The following CASP10 variants were observed in gnomAD, a reference collection of about 807,000 sequenced individuals.
CASP10 encodes caspase 10, also known as caspase-10.
CASP10 carries 41 observed loss-of-function variants against 48.5 expected under a neutral mutation model. That is an observed-to-expected ratio of 0.85 (90% CI 0.66 to 1.10). The LOEUF is 1.10. CASP10 is among the 50% of genes least tolerant of loss of function. CASP10 has a pLI of 0.00. For missense variants in CASP10, 614 were observed against 614.5 expected (o/e 1.00, Z 0.01); for synonymous variants, 232 against 238.4 (o/e 0.97, Z 0.25).
intron 6 of CASP10, among the ~76,000 whole-genome samples, chr2:201,205,401 A>AC (rs979477062): frequency 6.9e-6 from 1 of 145,528 alleles, no homozygotes; most frequent in African/African-American, 2.5e-5. Context: ...AATTTTTTGT[A>AC]TTTTTTTTTT....
At chr2:201,211,184 C>T (rs1386834814) in intron 9 of CASP10, among the ~76,000 whole-genome samples, 2 of 152,122 alleles carry the variant, frequency 1.3e-5, no homozygotes, top group Non-Finnish European at 2.9e-5. Flanking sequence ...ACCATGTTGC[C>T]GAGGCTGGCC....
chr2:201,216,260 T>C (rs1945565800), intron 9 of CASP10, among the ~76,000 whole-genome samples: 1 of 151,716 alleles, frequency 6.6e-6, no homozygotes, highest in Non-Finnish European at 1.5e-5. Context: ...TCCTAGCTAT[T>C]AGGGAGTCTG....
In CASP10 at chr2:201,205,925, G is replaced by T; in HGVS notation, c.765G>T (p.Gly255=). ...TNGAPSLVSR[G]MQGASANTLN... The stretch of plus-strand genomic sequence containing the variant: ...GTGCACCAAGCCTGGTCTCCAGGGG[G>T]ATGCAAGGAGCATCTGCTAACACTC... The change falls in exon 7 of 10, where the codon GGG becomes GGT. Residue 255 remains glycine, a synonymous_variant. Coordinates refer to ENST00000286186, the MANE Select transcript of CASP10 (RefSeq NM_032977.4). The T allele has an allele frequency of 6.2e-7, 1 of 1,613,500 alleles. No homozygotes were observed. Among genetic ancestry groups the T allele is most frequent in the East Asian group, 2.2e-5 (1 of 44,866 alleles).
chr2:201,208,756 G>A (rs1489352593), intron 8 of CASP10, among the ~76,000 whole-genome samples: 1 of 152,000 alleles, frequency 6.6e-6, no homozygotes, highest in East Asian at 1.9e-4. Context: ...CCAGCTCACT[G>A]CAACCTCTGC....
Position 201,218,796 on chromosome 2 carries a change from C to T in CASP10, c.*1055C>T, listed in dbSNP as rs1252396894. ...TGATCTCCCCCTTCCTAAGACTTCTCTTTTGCACATCTAGTGAGGTGAAAA... is the reference window on the plus strand; with the variant it reads ...TGATCTCCCCCTTCCTAAGACTTCTTTTTTGCACATCTAGTGAGGTGAAAA... On this transcript the variant is annotated 3_prime_UTR_variant, in exon 10 of 10. Coordinates refer to ENST00000286186, the MANE Select transcript of CASP10 (RefSeq NM_032977.4). The T allele has an allele frequency of 2.8e-5, 28 of 985,378 alleles. No homozygotes were observed. Among genetic ancestry groups the T allele is most frequent in the Non-Finnish European group, 3.4e-5 (28 of 829,988 alleles). 61.0% of individuals were successfully genotyped at this position (985,378 alleles called of 1,614,324 possible).
chr2:201,186,371 C>G (rs1020234479), intron 2 of CASP10: 1 of 488,016 alleles, frequency 2.0e-6, no homozygotes, highest in African/African-American at 1.9e-5. Flanking sequence ...TTCTCACTAG[C>G]AGTGAAGCCC....
chr2:201,211,944 T>TTTTTTA (rs1321571049), intron 9 of CASP10, among the ~76,000 whole-genome samples: 1 of 151,990 alleles, frequency 6.6e-6, no homozygotes, highest in Non-Finnish European at 1.5e-5. Flanking sequence ...TCACTGTGGG[T>TTTTTTA]TTTTTATTTT....
At chr2:201,214,189 G>A (rs1945494575) in intron 9 of CASP10, 1 of 152,138 alleles carries the variant, frequency 6.6e-6, no homozygotes, top group South Asian at 2.1e-4. Flanking sequence ...AGTAGGGGGA[G>A]GGATCCCACT....
intron 4 of CASP10, among the ~76,000 whole-genome samples, chr2:201,194,781 TTTA>T (rs1944731345): frequency 2.0e-5 from 3 of 152,276 alleles, no homozygotes; most frequent in African/African-American, 7.2e-5. Flanking sequence ...CTTTGTTTTT[TTTA>T]TTTTTATTTT....
chr2:201,205,811 G>A, intron 6 of CASP10, 71 bp from the exon 7 acceptor site: 1 of 941,332 alleles, frequency 1.1e-6, no homozygotes, highest in East Asian at 2.4e-5. Flanking sequence ...AGAATTAGAT[G>A]CGAAAATTAT....
chr2:201,198,539 C>CTTTTTTTTTTTTTTTTT (rs34234167), intron 5 of CASP10, among the ~76,000 whole-genome samples: 1 of 87,978 alleles, frequency 1.1e-5, no homozygotes, highest in Non-Finnish European at 2.1e-5. Context: ...TTTTTTAATT[C>CTTTTTTTTTTTTTTTTT]TTTTTTTTTT....
chr2:201,205,411 T>C (rs1352671583), intron 6 of CASP10, among the ~76,000 whole-genome samples: 2 of 151,596 alleles, frequency 1.3e-5, no homozygotes, highest in Admixed American at 1.3e-4. Flanking sequence ...ATTTTTTTTT[T>C]CTAGAGATGG....
rs773780544 is a variant in CASP10 at position 201,187,665 on chromosome 2, A to AT, written c.348-41_348-40insT. ...CTTGATTGATTATGGTGTCCTCCAC[A>AT]AGTGTAAGGCTTTATTTGTCATTTT... On this transcript the variant is annotated intron_variant, in intron 2 of 9. Transcript: ENST00000286186. 3 of 1,412,454 alleles carry AT rather than the reference A, an allele frequency of 2.1e-6. No individual in the cohort carries two copies. The African/African-American group carries it at 4.2e-5, about 20-fold the overall frequency. The allele number at this position is 1,412,454 out of a possible 1,614,324, so 87.5% of individuals were successfully genotyped here.
chr2:201,187,884 T>C (rs1054804282), intron 3 of CASP10, 85 bp downstream of exon 3: 11 of 964,628 alleles, frequency 1.1e-5, no homozygotes, highest in Non-Finnish European at 1.8e-5. Flanking sequence ...TTTAGGGAGA[T>C]TTATTTTTTA....
chr2:201,209,239 CT>C lies in CASP10; in HGVS notation c.1093del (p.Tyr365ThrfsTer53), dbSNP rs781003519. ...ILTHGRFGAV[Y>X]SSDEALIPIR... ...TGACCCATGGGAGATTTGGAGCTGT[CT>C]ACTCTTCGGATGAGGCCCTCATTCC... On this transcript the variant is annotated frameshift_variant, in exon 9 of 10. Coordinates refer to ENST00000286186, the MANE Select transcript of CASP10 (RefSeq NM_032977.4). LOFTEE classifies it high-confidence loss of function. The C allele has an allele frequency of 3.2e-5, 51 of 1,614,066 alleles. No homozygotes were observed. Among genetic ancestry groups the C allele is most frequent in the Non-Finnish European group, 4.2e-5 (49 of 1,180,048 alleles).
chr2:201,217,655 G>A lies in CASP10; in HGVS notation c.1483G>A (p.Gly495Arg), dbSNP rs1576147200. ...TGTGAGTCGAAGAGTGGACAAACAG[G>A]GAACAAAGAAACAGATGCCCCAGCC... ...DDVSRRVDKQ[G>R]TKKQMPQPAF... The change falls in exon 10 of 10, where the codon GGA becomes AGA. Residue 495 changes from glycine to arginine, a missense_variant. By Grantham distance (125) the Gly-to-Arg change is moderately radical (BLOSUM62 -2). Transcript: ENST00000286186. 1 of 1,614,122 alleles carries A rather than the reference G, an allele frequency of 6.2e-7. No individual in the cohort carries two copies. Among genetic ancestry groups the A allele is most frequent in the Non-Finnish European group, 8.5e-7 (1 of 1,180,002 alleles).
intron 9 of CASP10, chr2:201,212,723 A>C (rs1280058379): frequency 6.6e-6 from 1 of 152,204 alleles, no homozygotes; most frequent in Non-Finnish European, 1.5e-5. Context: ...GGTGAGGAAA[A>C]TAAGTAGGTA....
chr2:201,206,036 A>G, intron 7 of CASP10, 63 bp downstream of exon 7: 1 of 1,054,660 alleles, frequency 9.5e-7, no homozygotes, highest in Non-Finnish European at 1.4e-6. Context: ...TTTAATCAAA[A>G]GGACGGTTTC....
At chr2:201,210,837 A>G (rs1430513714) in intron 9 of CASP10, among the ~76,000 whole-genome samples, 1 of 152,236 alleles carries the variant, frequency 6.6e-6, no homozygotes, top group Non-Finnish European at 1.5e-5. Flanking sequence ...TAATAAAAAT[A>G]TAAGTGAATA....
Sources: gnomAD v4.1 joint callset for allele counts (sites outside exome capture counted in the v4.1 genomes callset) on GRCh38, gnomAD v4.1.1 for gene constraint, MANE v1.5 for transcripts, NCBI Gene and HGNC (gene_info 2026-07-23, HGNC 2026-07-21) for gene names.